Variants in TRIM16 observed in about 807,000 individuals in gnomAD.
TRIM16 encodes the protein tripartite motif-containing protein 16.
Under a neutral mutation model 50.4 loss-of-function variants are expected in TRIM16, and 33 were observed. The observed-to-expected ratio is 0.65, with a 90% confidence interval of 0.50 to 0.88. The LOEUF is 0.88. TRIM16 is among the 40% of genes least tolerant of loss of function. TRIM16 has a pLI of 0.00. For synonymous variants in TRIM16, 229 were observed against 270.7 expected (o/e 0.85, Z 1.51); for missense variants, 581 against 686.8 (o/e 0.85, Z 1.72).
chr17:15,661,969 G>A (rs766327160), intron 6 of TRIM16, among the ~76,000 whole-genome samples: 4 of 152,276 alleles, frequency 2.6e-5, no homozygotes, highest in Non-Finnish European at 1.5e-5. Context: ...CTCAAGCTCC[G>A]TTCTAAATAC....
At chr17:15,654,212 C>T in intron 6 of TRIM16, 1 of 152,130 alleles carries the variant, frequency 6.6e-6, no homozygotes, top group Non-Finnish European at 1.5e-5. Context: ...TAGAAGGCAC[C>T]GAAGACTTTA....
intron 9 of TRIM16, 139 bp from the exon 10 acceptor site, chr17:15,632,813 T>C (rs1183332095): frequency 1.7e-6 from 2 of 1,206,872 alleles, no homozygotes; most frequent in Non-Finnish European, 2.2e-6. Context: ...ACATGTGAAG[T>C]GTCAAGCTCA....
chr17:15,671,956 A>C (rs1238004786), intron 6 of TRIM16, among the ~76,000 whole-genome samples: 1 of 151,838 alleles, frequency 6.6e-6, no homozygotes, highest in Non-Finnish European at 1.5e-5. Context: ...ACTGCCTCTT[A>C]ACTTAAAGAA....
chr17:15,671,915 C>T (rs948744236), intron 6 of TRIM16, among the ~76,000 whole-genome samples: 2 of 152,140 alleles, frequency 1.3e-5, no homozygotes, highest in African/African-American at 4.8e-5. Context: ...AGGAGACTAA[C>T]TTGCAAAATG....
At chr17:15,656,647 A>G (rs555653019) in intron 6 of TRIM16, among the ~76,000 whole-genome samples, 2 of 152,262 alleles carry the variant, frequency 1.3e-5, no homozygotes, top group Non-Finnish European at 2.9e-5. Context: ...CCTTAGTGAC[A>G]GAAGATTTAA....
intron 6 of TRIM16, among the ~76,000 whole-genome samples, chr17:15,653,101 G>A: frequency 6.6e-6 from 1 of 152,128 alleles, no homozygotes. Flanking sequence ...CCACAGTGAT[G>A]AGTGAGTTCT....
At chr17:15,656,551 C>T (rs1987990230) in intron 6 of TRIM16, among the ~76,000 whole-genome samples, 1 of 152,002 alleles carries the variant, frequency 6.6e-6, no homozygotes, top group Non-Finnish European at 1.5e-5. Context: ...TCCCCAGCCC[C>T]TTTGCAAACC....
chr17:15,649,170 G>T (rs1987560026), intron 7 of TRIM16, among the ~76,000 whole-genome samples: 1 of 148,232 alleles, frequency 6.7e-6, no homozygotes, highest in African/African-American at 2.7e-5. Flanking sequence ...GAACATTTCT[G>T]CAAGGAAATA....
intron 7 of TRIM16, among the ~76,000 whole-genome samples, chr17:15,649,581 C>T (rs1315276433): frequency 2.6e-5 from 4 of 152,092 alleles, no homozygotes; most frequent in Admixed American, 6.5e-5. Flanking sequence ...TCACCGTGCC[C>T]GGCTGGTGGA....
chr17:15,655,583 T>G (rs1987936167), intron 6 of TRIM16, among the ~76,000 whole-genome samples: 1 of 152,052 alleles, frequency 6.6e-6, no homozygotes. Context: ...CTCTCTCTTT[T>G]TTTTTTTTTG....
At chr17:15,679,923 C>T (rs533563746) in intron 4 of TRIM16, among the ~76,000 whole-genome samples, 40 of 134,488 alleles carry the variant, frequency 3.0e-4, no homozygotes, top group Non-Finnish European at 5.1e-4. Context: ...GGCGAGAGAG[C>T]GAGACTATGT....
chr17:15,644,216 C>T (rs1357997086), intron 7 of TRIM16, among the ~76,000 whole-genome samples: 2 of 152,210 alleles, frequency 1.3e-5, no homozygotes, highest in African/African-American at 2.4e-5. Flanking sequence ...GATGGAGTCT[C>T]GCTCTGTCTC....
intron 6 of TRIM16, among the ~76,000 whole-genome samples, chr17:15,672,716 G>A (rs1988776053): frequency 6.6e-6 from 1 of 152,090 alleles, no homozygotes. Flanking sequence ...CCAGGCAATA[G>A]AGCAAAACCC....
rs1384886150 is a variant in TRIM16 at position 15,636,145 on chromosome 17, T to C, written c.740A>G (p.Gln247Arg). ...LEEKEQAALS[Q>R]ANGIKAHLEY... is the part of the protein sequence containing the mutation. Reference sequence around the variant, plus strand: ...CAGGTGGGCCTTGATACCGTTGGCCTGGCTCAGCGCAGCTTGCTCCTTCTC... The same window carrying C: ...CAGGTGGGCCTTGATACCGTTGGCCCGGCTCAGCGCAGCTTGCTCCTTCTC... Residue 247 changes from glutamine (Q) to arginine (R), a missense_variant, in exon 9 of 12, where the codon CAG (glutamine) becomes CGG (arginine). Physicochemically the swap from Gln to Arg is conservative, Grantham distance 43. Transcript: ENST00000649191. 1 of 1,610,110 alleles carries C rather than the reference T, an allele frequency of 6.2e-7. No homozygotes were observed. The highest frequency in any genetic ancestry group is 1.7e-5 in the Admixed American group (1 of 59,918).
intron 6 of TRIM16, among the ~76,000 whole-genome samples, chr17:15,664,816 C>T (rs1220877368): frequency 2.0e-5 from 3 of 151,974 alleles, no homozygotes; most frequent in Non-Finnish European, 4.4e-5. Context: ...GGGTGGATCA[C>T]TTGAGATCAG....
At chr17:15,634,808 C>G (rs1042907083) in intron 9 of TRIM16, among the ~76,000 whole-genome samples, 4 of 148,956 alleles carry the variant, frequency 2.7e-5, no homozygotes, top group African/African-American at 1.0e-4. Flanking sequence ...AAGACTCCAT[C>G]TCAAAAAACA....
intron 8 of TRIM16, among the ~76,000 whole-genome samples, chr17:15,640,550 T>C (rs1450217974): frequency 1.3e-5 from 2 of 148,328 alleles, no homozygotes; most frequent in African/African-American, 5.0e-5. Flanking sequence ...ACCAACTGTT[T>C]ACAGGTGTTG....
chr17:15,665,233 C>T (rs1239410489), intron 6 of TRIM16, among the ~76,000 whole-genome samples: 1 of 152,106 alleles, frequency 6.6e-6, no homozygotes, highest in Non-Finnish European at 1.5e-5. Flanking sequence ...GCTGTAGAGG[C>T]CGGGCGCAGT....
intron 8 of TRIM16, among the ~76,000 whole-genome samples, chr17:15,637,361 C>T (rs1597610215): frequency 7.8e-5 from 9 of 116,108 alleles, no homozygotes; most frequent in South Asian, 3.0e-4. Context: ...GGTCAGCCCC[C>T]CTACCCGGCC....
Sources: allele counts gnomAD v4.1 joint callset (sites outside exome capture counted in the v4.1 genomes callset), GRCh38; gene constraint gnomAD v4.1.1; transcripts MANE v1.5; gene names NCBI Gene and HGNC (gene_info 2026-07-23, HGNC 2026-07-21).